Variants in POFUT3 observed in about 807,000 individuals in gnomAD.
POFUT3 encodes protein O-fucosyltransferase 3, also known as GDP-fucose protein O-fucosyltransferase 3.
chr8:33,393,844 C>A, the POFUT3 span, among the ~76,000 whole-genome samples: 1 of 152,154 alleles, frequency 6.6e-6, no homozygotes, highest in Non-Finnish European at 1.5e-5. Context: ...GCCCAGCCTG[C>A]CTTAATTTGG....
chr8:33,472,719 G>A, the POFUT3 span, among the ~76,000 whole-genome samples: 1 of 152,234 alleles, frequency 6.6e-6, no homozygotes, highest in Non-Finnish European at 1.5e-5. Context: ...ATCGGGGCAG[G>A]CGGGGAGGCG....
chr8:33,455,202 A>G, the POFUT3 span, among the ~76,000 whole-genome samples: 1 of 152,202 alleles, frequency 6.6e-6, no homozygotes, highest in Non-Finnish European at 1.5e-5. Flanking sequence ...GACCATGAGT[A>G]CTGGGCTTCC....
At chr8:33,367,741 A>T in the POFUT3 span, among the ~76,000 whole-genome samples, 1 of 151,896 alleles carries the variant, frequency 6.6e-6, no homozygotes, top group Non-Finnish European at 1.5e-5. Context: ...CCATGAGTGG[A>T]CTCATCAGAT....
chr8:33,362,659 C>G, the POFUT3 span, among the ~76,000 whole-genome samples: 1 of 150,934 alleles, frequency 6.6e-6, no homozygotes, highest in Non-Finnish European at 1.5e-5. Context: ...CAACAGAGAT[C>G]AAAAGAGACA....
the POFUT3 span, among the ~76,000 whole-genome samples, chr8:33,364,774 C>T: frequency 1.3e-5 from 2 of 152,096 alleles, no homozygotes; most frequent in East Asian, 1.9e-4. Context: ...AGGACACAAA[C>T]GAATGGAAGA....
the POFUT3 span, among the ~76,000 whole-genome samples, chr8:33,329,703 A>G: frequency 6.6e-6 from 1 of 152,148 alleles, no homozygotes; most frequent in East Asian, 1.9e-4. Context: ...CAAGAATTAT[A>G]AGTGCTCATA....
the POFUT3 span, among the ~76,000 whole-genome samples, chr8:33,423,318 TG>T: frequency 2.0e-5 from 3 of 152,068 alleles, no homozygotes; most frequent in African/African-American, 4.8e-5. Context: ...ACCCAAGCCA[TG>T]GTACAGTGGC....
At chr8:33,328,857 G>A in the POFUT3 span, among the ~76,000 whole-genome samples, 2 of 152,180 alleles carry the variant, frequency 1.3e-5, no homozygotes. Flanking sequence ...AGATATGGGG[G>A]CAAGGGAGAG....
chr8:33,454,802 GATTACAGGTGCC>G, the POFUT3 span, among the ~76,000 whole-genome samples: 1 of 151,964 alleles, frequency 6.6e-6, no homozygotes, highest in Non-Finnish European at 1.5e-5. Context: ...AAGTAGCTGG[GATTACAGGTGCC>G]AGCCACAACA....
chr8:33,453,319 C>T, the POFUT3 span: 994 of 1,614,186 alleles, frequency 6.2e-4, no homozygotes, highest in Non-Finnish European at 7.8e-4. Flanking sequence ...CAGTCTCCCC[C>T]GTCAGCGGGG....
At chr8:33,368,440 A>AATATG in the POFUT3 span, among the ~76,000 whole-genome samples, 1 of 152,220 alleles carries the variant, frequency 6.6e-6, no homozygotes, top group African/African-American at 2.4e-5. Context: ...GAAAAAGGTT[A>AATATG]ATATGACTTA....
At chr8:33,400,553 G>A in the POFUT3 span, among the ~76,000 whole-genome samples, 1 of 152,078 alleles carries the variant, frequency 6.6e-6, no homozygotes, top group East Asian at 1.9e-4. Context: ...AAGGAAGGGA[G>A]GGAGGGAAAG....
the POFUT3 span, among the ~76,000 whole-genome samples, chr8:33,472,825 C>G: frequency 6.6e-6 from 1 of 152,210 alleles, no homozygotes; most frequent in Admixed American, 6.5e-5. Context: ...CAGGCAGTGG[C>G]TCTGCCTTTG....
chr8:33,458,718 A>G, the POFUT3 span, among the ~76,000 whole-genome samples: 1 of 152,082 alleles, frequency 6.6e-6, no homozygotes, highest in Non-Finnish European at 1.5e-5. Context: ...CGTCTCAAAA[A>G]ACAAAAAACA....
At chr8:33,435,506 G>A in the POFUT3 span, among the ~76,000 whole-genome samples, 1 of 140,926 alleles carries the variant, frequency 7.1e-6, no homozygotes, top group Non-Finnish European at 1.5e-5. Flanking sequence ...GTGAGCCACC[G>A]CGCCCAGGCA....
the POFUT3 span, among the ~76,000 whole-genome samples, chr8:33,391,005 T>C: frequency 2.6e-5 from 4 of 152,222 alleles, no homozygotes; most frequent in Non-Finnish European, 5.9e-5. Flanking sequence ...TTGACATGGA[T>C]AATTTTGTAG....
the POFUT3 span, among the ~76,000 whole-genome samples, chr8:33,469,528 A>G: frequency 6.6e-6 from 1 of 152,184 alleles, no homozygotes; most frequent in African/African-American, 2.4e-5. Flanking sequence ...AGTCATGTGA[A>G]TCAAGACTGG....
the POFUT3 span, chr8:33,389,234 C>A: frequency 6.2e-7 from 1 of 1,614,090 alleles, no homozygotes; most frequent in Non-Finnish European, 8.5e-7. Context: ...ACTTGGAAGC[C>A]AGTCTGTGAT....
chr8:33,414,989 C>T, the POFUT3 span, among the ~76,000 whole-genome samples: 1 of 151,380 alleles, frequency 6.6e-6, no homozygotes, highest in Non-Finnish European at 1.5e-5. Context: ...AGGCCAGGCG[C>T]GGTGGCTCAC....
Sources: gnomAD v4.1 joint callset for allele counts (sites outside exome capture counted in the v4.1 genomes callset) on GRCh38, gnomAD v4.1.1 for gene constraint, MANE v1.5 for transcripts, NCBI Gene and HGNC (gene_info 2026-07-23, HGNC 2026-07-21) for gene names.